SPTBN1: variants seen among roughly 807,000 people sequenced by gnomAD.
SPTBN1 encodes the protein spectrin beta, non-erythrocytic 1.
Under a neutral mutation model 266.4 loss-of-function variants are expected in SPTBN1, and 32 were observed. The observed-to-expected ratio is 0.12, with a 90% CI of 0.09 to 0.16. The LOEUF (loss-of-function observed/expected upper bound fraction) is 0.16, where lower values mean the gene tolerates loss of function less well. Ranked by LOEUF, SPTBN1 falls within the 10% of genes least tolerant of loss-of-function variation. SPTBN1 has a pLI of 1.00. For synonymous variants in SPTBN1, 1,336 were observed against 1,162.2 expected, an observed-to-expected ratio of 1.15 and a Z score of -3.04; for missense variants, 2,296 against 3,067.1, an observed-to-expected ratio of 0.75 and a Z score of 5.94.
chr2:54,486,346 A>G (rs572881265), intron 1 of SPTBN1, among the ~76,000 whole-genome samples: 60 of 152,150 alleles, frequency 3.9e-4, no homozygotes, highest in South Asian at 1.2e-3. Flanking sequence ...AGAAGTAGAC[A>G]TGGGAGACTT....
At chr2:54,614,485 A>AT (rs752996837) in intron 4 of SPTBN1, among the ~76,000 whole-genome samples, 3 of 152,166 alleles carry the variant, frequency 2.0e-5, no homozygotes, top group African/African-American at 2.4e-5. Context: ...GATGACACAG[A>AT]TTTTATGATG....
At chr2:54,582,577 A>G (rs919731026) in intron 2 of SPTBN1, among the ~76,000 whole-genome samples, 2 of 152,046 alleles carry the variant, frequency 1.3e-5, no homozygotes, top group South Asian at 4.1e-4. Flanking sequence ...AAAAAAAAAA[A>G]AAAGAAATAT....
At chr2:54,667,731 C>G in intron 35 of SPTBN1, 85 bp downstream of exon 35, 1 of 1,238,756 alleles carries the variant, frequency 8.1e-7, no homozygotes, top group Non-Finnish European at 1.2e-6. Flanking sequence ...GAAAGTTCTT[C>G]ATGTAAATGA....
Position 54,581,677 on chromosome 2 carries a change from A to T in SPTBN1, c.149-17415A>T, listed in dbSNP as rs1473342503. 2.7e-5 allele frequency among the ~76,000 whole-genome samples: 4 copies of T among 147,144 alleles called. No homozygotes were observed. In the East Asian group the frequency reaches 8.1e-4, roughly 30 times the overall value. ...GTTTAAGAAAACTGTCCCAAACCTGAGCTAATAAACAAGAGTAAAAGCCTT... is the reference window on the plus strand; with the variant it reads ...GTTTAAGAAAACTGTCCCAAACCTGTGCTAATAAACAAGAGTAAAAGCCTT... On this transcript the variant is annotated intron_variant, in intron 2 of 35. Coordinates refer to ENST00000356805, the MANE Select transcript of SPTBN1 (RefSeq NM_003128.3).
intron 2 of SPTBN1, among the ~76,000 whole-genome samples, chr2:54,551,496 G>A (rs1312815973): frequency 6.6e-6 from 1 of 152,242 alleles, no homozygotes; most frequent in African/African-American, 2.4e-5. Context: ...CAGGGATAAG[G>A]TTTGGCTGGG....
In SPTBN1 at chr2:54,646,133, ACATAAGCAGCAGACGGCTGC is replaced by A; in HGVS notation, c.4585-57_4585-38del. On this transcript the variant is annotated intron_variant, in intron 22 of 35. Coordinates refer to ENST00000356805, the MANE Select transcript of SPTBN1 (RefSeq NM_003128.3). The surrounding 1 kb of genome is among the most constrained non-coding windows in gnomAD (Gnocchi z 4.4). ...ATTTCTTTCTGGCCCTAACAGCTTG[ACATAAGCAGCAGACGGCTGC>A]CATTTAGCAAGCCTTTGTGTGTATT... The A allele has an allele frequency of 6.3e-7, 1 of 1,596,578 alleles. No individual in the cohort carries two copies. Among genetic ancestry groups the A allele is most frequent in the South Asian group, 1.1e-5 (1 of 88,732 alleles).
intron 31 of SPTBN1, 42 bp from the exon 32 acceptor site, chr2:54,659,894 C>G: frequency 1.3e-6 from 2 of 1,599,920 alleles, no homozygotes; most frequent in Non-Finnish European, 1.7e-6. Context: ...TCTTTCTCCT[C>G]TTCTTCCTTT....
At chr2:54,601,408 C>G (rs1001000519) in intron 3 of SPTBN1, among the ~76,000 whole-genome samples, 1 of 152,174 alleles carries the variant, frequency 6.6e-6, no homozygotes, top group African/African-American at 2.4e-5. Flanking sequence ...AGGAAACACA[C>G]CACACACTGC....
chr2:54,664,052 G>A lies in SPTBN1; in HGVS notation c.6421-401G>A, dbSNP rs2104247016. The A allele has an allele frequency of 6.3e-6, 1 of 158,696 alleles. No homozygotes were observed. The highest frequency in any genetic ancestry group is 2.4e-5 in the African/African-American group (1 of 41,730). 9.8% of individuals were successfully genotyped at this position (158,696 alleles called of 1,614,324 possible). A position where few individuals can be genotyped will look rare whatever the true frequency, so the allele number is the denominator to read the frequency against. On this transcript the variant is annotated intron_variant, in intron 32 of 35. Transcript: ENST00000356805. The surrounding 1 kb of genome is among the most constrained non-coding windows in gnomAD (Gnocchi z 5.6). Reference sequence around the variant, plus strand: ...GAATGCCCTTTCGCTTAAACTTCCAGCCCTTCTGGTGGCATCCTTGGTTGT... The same window carrying A: ...GAATGCCCTTTCGCTTAAACTTCCAACCCTTCTGGTGGCATCCTTGGTTGT...
intron 2 of SPTBN1, chr2:54,529,369 A>G (rs1195831266): frequency 1.6e-6 from 1 of 636,480 alleles, no homozygotes; most frequent in East Asian, 3.0e-5. Flanking sequence ...TGAAGAAGGA[A>G]GCTCCTGGCC....
intron 4 of SPTBN1, 72 bp from the exon 5 acceptor site, chr2:54,616,135 A>C: frequency 7.8e-7 from 1 of 1,285,270 alleles, no homozygotes; most frequent in South Asian, 1.3e-5. Context: ...ATGTATATGC[A>C]GACCTGTTCT....
intron 2 of SPTBN1, among the ~76,000 whole-genome samples, chr2:54,573,333 A>C (rs1222721538): frequency 6.6e-6 from 1 of 152,174 alleles, no homozygotes; most frequent in Non-Finnish European, 1.5e-5. Context: ...TCAGATCATC[A>C]GGCATTAGAT....
intron 2 of SPTBN1, among the ~76,000 whole-genome samples, chr2:54,592,309 AT>A (rs1322705650): frequency 2.6e-5 from 4 of 152,214 alleles, no homozygotes; most frequent in Non-Finnish European, 5.9e-5. Flanking sequence ...TGGAGAGGAT[AT>A]TCACAGCCCT....
intron 1 of SPTBN1, among the ~76,000 whole-genome samples, chr2:54,486,800 G>C (rs893025758): frequency 6.6e-6 from 1 of 151,994 alleles, no homozygotes; most frequent in Non-Finnish European, 1.5e-5. Flanking sequence ...ATGAAGAAAG[G>C]GATGATAATT....
chr2:54,589,270 G>A (rs1028773737), intron 2 of SPTBN1, among the ~76,000 whole-genome samples: 3 of 152,136 alleles, frequency 2.0e-5, no homozygotes, highest in African/African-American at 4.8e-5. Flanking sequence ...GACTTTATGC[G>A]GCTCACCTTG....
chr2:54,664,903 GA>G lies in SPTBN1; in HGVS notation c.6659+213del. 1.7e-6 allele frequency: 1 copy of G among 573,364 alleles called. No individual in the cohort carries two copies. Among genetic ancestry groups the G allele is most frequent in the Admixed American group, 3.1e-5 (1 of 32,654 alleles). 35.5% of individuals were successfully genotyped at this position (573,364 alleles called of 1,614,324 possible). On this transcript the variant is annotated intron_variant, in intron 33 of 35. Coordinates refer to ENST00000356805, the MANE Select transcript of SPTBN1 (RefSeq NM_003128.3). This position sits in a 1 kb window ranked among gnomAD's most constrained non-coding sequence, Gnocchi z 5.6. Reference sequence around the variant, plus strand: ...GAGAAGAAGAGTTGAGTTTGGATGGGAGTAGCTAGAAGGGGCTTTAGTAGTT... The same window carrying G: ...GAGAAGAAGAGTTGAGTTTGGATGGGGTAGCTAGAAGGGGCTTTAGTAGTT...
intron 5 of SPTBN1, among the ~76,000 whole-genome samples, chr2:54,616,705 A>C (rs780979671): frequency 4.6e-5 from 7 of 152,182 alleles, no homozygotes; most frequent in African/African-American, 7.2e-5. Context: ...TATCTGTGTC[A>C]GTTTCCCTTT....
rs955032660 is a variant in SPTBN1 at position 54,628,403 on chromosome 2, C to G, written c.1798+153C>G. On this transcript the variant is annotated intron_variant, in intron 13 of 35. Coordinates refer to ENST00000356805, the MANE Select transcript of SPTBN1 (RefSeq NM_003128.3). This position sits in a 1 kb window ranked among gnomAD's most constrained non-coding sequence, Gnocchi z 4.3. ...ATACGGTGGAGTGGCCTTCTGAACACTAACTCCATCTTGTTTTTCTGGAAT... is the reference window on the plus strand; with the variant it reads ...ATACGGTGGAGTGGCCTTCTGAACAGTAACTCCATCTTGTTTTTCTGGAAT... 6.6e-6 allele frequency among the ~76,000 whole-genome samples: 1 copy of G among 152,222 alleles called. No homozygotes were observed. Among genetic ancestry groups the G allele is most frequent in the Non-Finnish European group, 1.5e-5 (1 of 68,038 alleles).
rs140014715 is a variant in SPTBN1, at chr2:54,578,000, G to A, written c.149-21092G>A. Among the ~76,000 whole-genome samples the A allele has an allele frequency of 1.3e-3, 195 of 152,298 alleles. 4 individuals are homozygous for A. The South Asian group carries it at 0.036, about 28-fold the overall frequency. On this transcript the variant is annotated intron_variant, in intron 2 of 35. Coordinates refer to ENST00000356805, the MANE Select transcript of SPTBN1 (RefSeq NM_003128.3). ...GAATGCCATGTAAAATTCAAGCCTT[G>A]CCTTATCTTGGAGGACTTTATTCCC...
Sources: allele counts gnomAD v4.1 joint callset (sites outside exome capture counted in the v4.1 genomes callset), GRCh38; gene constraint gnomAD v4.1.1; non-coding constraint Gnocchi (gnomAD v3.1); transcripts MANE v1.5; gene names NCBI Gene and HGNC (gene_info 2026-07-23, HGNC 2026-07-21).